Variants in WHR1 observed in about 807,000 individuals in gnomAD.
The protein encoded by WHR1 is winged helix repair factor 1.
At chr6:31,976,695 C>T in the WHR1 span, among the ~76,000 whole-genome samples, 2 of 152,222 alleles carry the variant, frequency 1.3e-5, no homozygotes, top group Non-Finnish European at 2.9e-5. Flanking sequence ...AGGCAGGCGG[C>T]TGGGAGGTGG....
At chr6:31,973,805 A>T in the WHR1 span, among the ~76,000 whole-genome samples, 1 of 152,138 alleles carries the variant, frequency 6.6e-6, no homozygotes. Flanking sequence ...AAAAAAATAC[A>T]GGTTCCTGGG....
the WHR1 span, among the ~76,000 whole-genome samples, chr6:31,977,673 C>G: frequency 6.6e-6 from 1 of 150,884 alleles, no homozygotes; most frequent in South Asian, 2.1e-4. Flanking sequence ...TAATGGAGAC[C>G]GGGTTTCATC....
At chr6:31,972,381 C>T in the WHR1 span, 1 of 1,613,104 alleles carries the variant, frequency 6.2e-7, no homozygotes, top group Non-Finnish European at 8.5e-7. This position sits in a 1 kb window ranked among gnomAD's most constrained non-coding sequence, Gnocchi z 6.3. Flanking sequence ...TCCATTCCTA[C>T]CCCTTCCCCG....
the WHR1 span, chr6:31,971,225 C>A: frequency 1.3e-6 from 2 of 1,561,916 alleles, no homozygotes; most frequent in Non-Finnish European, 1.7e-6. The surrounding 1 kb of genome is among the most constrained non-coding windows in gnomAD (Gnocchi z 4.5). Context: ...AGTCTTGTTT[C>A]TTCTAAGGAC....
At chr6:31,978,998 A>G in the WHR1 span, 1 of 1,611,130 alleles carries the variant, frequency 6.2e-7, no homozygotes, top group Non-Finnish European at 8.5e-7. Flanking sequence ...ACAGGACCAG[A>G]GTATGTGACT....
the WHR1 span, chr6:31,971,584 G>A: frequency 6.2e-7 from 1 of 1,613,920 alleles, no homozygotes; most frequent in Non-Finnish European, 8.5e-7. The surrounding 1 kb of genome is among the most constrained non-coding windows in gnomAD (Gnocchi z 4.5). Flanking sequence ...GGCAGGGTCT[G>A]TGGGCAGAGA....
At chr6:31,974,950 A>T in the WHR1 span, among the ~76,000 whole-genome samples, 1 of 152,204 alleles carries the variant, frequency 6.6e-6, no homozygotes, top group South Asian at 2.1e-4. Flanking sequence ...ACCACTCCTT[A>T]AGGAGTATTT....
At chr6:31,973,272 C>A in the WHR1 span, 1 of 291,348 alleles carries the variant, frequency 3.4e-6, no homozygotes, top group Non-Finnish European at 6.8e-6. Flanking sequence ...CAGATGACTG[C>A]GTGGCTGGTG....
the WHR1 span, among the ~76,000 whole-genome samples, chr6:31,976,751 AC>A: frequency 3.3e-5 from 5 of 152,234 alleles, no homozygotes; most frequent in East Asian, 9.6e-4. Context: ...CAGCCTGGGC[AC>A]CATTGAGCAC....
chr6:31,972,016 C>T, the WHR1 span: 5 of 1,607,254 alleles, frequency 3.1e-6, no homozygotes, highest in African/African-American at 6.7e-5. The surrounding 1 kb of genome is among the most constrained non-coding windows in gnomAD (Gnocchi z 6.3). Flanking sequence ...TGGTTTTCTG[C>T]TTTCGATGAT....
chr6:31,972,078 G>C, the WHR1 span: 1 of 1,613,022 alleles, frequency 6.2e-7, no homozygotes, highest in South Asian at 1.1e-5. This position sits in a 1 kb window ranked among gnomAD's most constrained non-coding sequence, Gnocchi z 6.3. Context: ...CGGGGGAGGT[G>C]TGAGCTTCAC....
the WHR1 span, among the ~76,000 whole-genome samples, chr6:31,975,759 A>G: frequency 6.6e-6 from 1 of 150,840 alleles, no homozygotes; most frequent in Non-Finnish European, 1.5e-5. Flanking sequence ...CAAAACCACC[A>G]TTGTCATCGT....
At chr6:31,979,609 C>T in the WHR1 span, 2 of 1,594,500 alleles carry the variant, frequency 1.3e-6, no homozygotes, top group African/African-American at 1.3e-5. Context: ...TGCCTCCCTC[C>T]AGTTCCATCC....
the WHR1 span, chr6:31,971,492 C>T: frequency 6.2e-7 from 1 of 1,614,140 alleles, no homozygotes. The surrounding 1 kb of genome is among the most constrained non-coding windows in gnomAD (Gnocchi z 4.5). Context: ...CGGGCATCTC[C>T]ATGGTACTGG....
the WHR1 span, chr6:31,972,592 C>T: frequency 6.3e-7 from 1 of 1,599,378 alleles, no homozygotes; most frequent in Non-Finnish European, 8.6e-7. The surrounding 1 kb of genome is among the most constrained non-coding windows in gnomAD (Gnocchi z 6.3). Flanking sequence ...GCCCCAGTTC[C>T]CTGTCCGTGA....
the WHR1 span, chr6:31,972,630 G>A: frequency 6.2e-7 from 1 of 1,608,636 alleles, no homozygotes; most frequent in Non-Finnish European, 8.5e-7. This position sits in a 1 kb window ranked among gnomAD's most constrained non-coding sequence, Gnocchi z 6.3. Context: ...GGGTCGGCGC[G>A]CGCGGCTGTC....
At chr6:31,971,834 C>T in the WHR1 span, 1 of 1,331,342 alleles carries the variant, frequency 7.5e-7, no homozygotes, top group Non-Finnish European at 1.0e-6. This position sits in a 1 kb window ranked among gnomAD's most constrained non-coding sequence, Gnocchi z 4.5. Flanking sequence ...TCTCATCCTG[C>T]CTCTTTCCTT....
chr6:31,972,417 C>G, the WHR1 span: 1 of 1,612,972 alleles, frequency 6.2e-7, no homozygotes, highest in East Asian at 2.2e-5. This position sits in a 1 kb window ranked among gnomAD's most constrained non-coding sequence, Gnocchi z 6.3. Context: ...GGGATATGAG[C>G]TGGAAGAGGC....
At chr6:31,973,101 T>C in the WHR1 span, 11 of 539,572 alleles carry the variant, frequency 2.0e-5, no homozygotes, top group East Asian at 1.2e-4. Flanking sequence ...GAGAATATCA[T>C]AGAGAGAGGG....
Sources: allele counts gnomAD v4.1 joint callset (sites outside exome capture counted in the v4.1 genomes callset), GRCh38; gene constraint gnomAD v4.1.1; non-coding constraint Gnocchi (gnomAD v3.1); transcripts MANE v1.5; gene names NCBI Gene and HGNC (gene_info 2026-07-23, HGNC 2026-07-21).